DCDC1: variants seen among roughly 807,000 people sequenced by gnomAD.
The protein encoded by DCDC1 is doublecortin domain-containing protein 1.
Under a neutral mutation model 178.3 loss-of-function variants are expected in DCDC1, and 200 were observed. The ratio of observed to expected loss-of-function variants is 1.12; its 90% CI spans 1.00 to 1.26. The LOEUF (loss-of-function observed/expected upper bound fraction) is 1.26, where lower values mean the gene tolerates loss of function less well. DCDC1 is among the 50% of genes most tolerant of loss of function. The probability of loss-of-function intolerance (pLI) is 0.00; values close to 1 mark genes in which losing one functional copy is unlikely to be tolerated. For synonymous variants in DCDC1, 690 were observed against 604.8 expected (o/e 1.14, Z -2.07); for missense variants, 1,983 against 1,749.2 (o/e 1.13, Z -2.38).
chr11:31,049,694 A>G (rs551224774), intron 20 of DCDC1, among the ~76,000 whole-genome samples: 2 of 152,322 alleles, frequency 1.3e-5, no homozygotes, highest in South Asian at 4.1e-4. Flanking sequence ...CTCAACTGCG[A>G]AAGTGGGAAA....
chr11:31,099,832 C>T (rs144370945), intron 15 of DCDC1, among the ~76,000 whole-genome samples: 2,271 of 151,818 alleles, frequency 0.015, 51 homozygotes, highest in African/African-American at 0.051. Context: ...AATTCTCCTG[C>T]CTCAGCCTCC....
At chr11:31,214,810 C>G (rs1358440235) in intron 9 of DCDC1, among the ~76,000 whole-genome samples, 1 of 151,896 alleles carries the variant, frequency 6.6e-6, no homozygotes, top group Non-Finnish European at 1.5e-5. Context: ...TTCTATAATA[C>G]AGATAAATTT....
chr11:31,273,144 C>G (rs1945705554), intron 7 of DCDC1, among the ~76,000 whole-genome samples: 1 of 152,226 alleles, frequency 6.6e-6, no homozygotes, highest in African/African-American at 2.4e-5. Context: ...CTGACATGCC[C>G]TGGAGACACT....
intron 7 of DCDC1, among the ~76,000 whole-genome samples, chr11:31,272,031 G>A (rs558802281): frequency 2.4e-3 from 369 of 151,972 alleles, no homozygotes; most frequent in Middle Eastern, 0.017. Flanking sequence ...GTGTGGTGGC[G>A]GGCACCTGTA....
chr11:31,365,774 C>T (rs1951928446), intron 1 of DCDC1, among the ~76,000 whole-genome samples: 1 of 152,106 alleles, frequency 6.6e-6, no homozygotes, highest in Non-Finnish European at 1.5e-5. Flanking sequence ...TTAATATACG[C>T]CTACCTTGGT....
intron 9 of DCDC1, among the ~76,000 whole-genome samples, chr11:31,210,540 G>A (rs760838734): frequency 7.9e-5 from 12 of 151,866 alleles, no homozygotes; most frequent in Non-Finnish European, 1.8e-4. Context: ...GTGAAACCCC[G>A]TTTCTATTAA....
chr11:31,122,654 C>T (rs1216121755), intron 11 of DCDC1, among the ~76,000 whole-genome samples: 1 of 152,070 alleles, frequency 6.6e-6, no homozygotes, highest in African/African-American at 2.4e-5. Context: ...ATGGTTGCAA[C>T]TGAGAAATGA....
At chr11:31,109,480 C>T (rs1010418541) in intron 12 of DCDC1, among the ~76,000 whole-genome samples, 2 of 152,104 alleles carry the variant, frequency 1.3e-5, no homozygotes, top group African/African-American at 4.8e-5. Flanking sequence ...ATCAAAGTAG[C>T]TTTTCTTCCT....
intron 9 of DCDC1, among the ~76,000 whole-genome samples, chr11:31,230,596 T>G (rs977831199): frequency 1.3e-5 from 2 of 152,154 alleles, no homozygotes; most frequent in Non-Finnish European, 2.9e-5. Context: ...ATCTCTGCAG[T>G]CAGACACCAT....
At chr11:31,137,613 G>T (rs1254950927) in intron 10 of DCDC1, 79 bp downstream of exon 10, 2 of 644,378 alleles carry the variant, frequency 3.1e-6, no homozygotes, top group Non-Finnish European at 5.6e-6. Context: ...CTCCCAAAGT[G>T]CGGGGATTAC....
chr11:30,909,226 C>G, intron 28 of DCDC1, 110 bp from the exon 29 acceptor site: 1 of 834,254 alleles, frequency 1.2e-6, no homozygotes, highest in South Asian at 3.7e-5. Flanking sequence ...ATAATCCCAC[C>G]ACACAGTGAC....
chr11:30,899,301 C>T (rs990837580), intron 34 of DCDC1, among the ~76,000 whole-genome samples: 4 of 151,942 alleles, frequency 2.6e-5, no homozygotes, highest in Admixed American at 6.6e-5. Flanking sequence ...ATTTTTAAGA[C>T]GTATGCATAA....
At chr11:31,245,909 A>C (rs904053701) in intron 8 of DCDC1, among the ~76,000 whole-genome samples, 3 of 151,926 alleles carry the variant, frequency 2.0e-5, no homozygotes, top group Non-Finnish European at 4.4e-5. Flanking sequence ...AAGAAGTGTG[A>C]ACTTACTTGG....
In DCDC1 at chr11:31,307,854, C is replaced by A; in HGVS notation, c.219G>T (p.Leu73Phe). 3 of 1,614,080 alleles carry A rather than the reference C, an allele frequency of 1.9e-6. No homozygotes were observed. The highest frequency in any genetic ancestry group is 2.5e-6 in the Non-Finnish European group (3 of 1,179,980). The change falls in exon 4 of 39, where the codon TTG (leucine) becomes TTT (phenylalanine). Residue 73 changes from leucine to phenylalanine, a missense_variant. Physicochemically the swap from Leu to Phe is conservative, Grantham distance 22. Coordinates refer to ENST00000684477, the MANE Select transcript of DCDC1 (RefSeq NM_001387274.1). ...KAVIKTTDDY[L>F]QSQFGPNRLV... ...GTCTGTTGGGGCCAAACTGAGACTG[C>A]AAATAATCATCAGTAGTTTTAATAA...
intron 9 of DCDC1, among the ~76,000 whole-genome samples, chr11:31,178,761 C>G (rs953101619): frequency 2.5e-4 from 38 of 152,236 alleles, no homozygotes; most frequent in Admixed American, 2.3e-3. Flanking sequence ...GGCGCGATCT[C>G]AGCTCACCAC....
chr11:31,341,382 TATAGATAGATAGATAGATAGATAG>T (rs10552471), intron 1 of DCDC1, among the ~76,000 whole-genome samples: 8 of 134,678 alleles, frequency 5.9e-5, no homozygotes, highest in South Asian at 2.4e-4. Context: ...ATTCCAGTTT[TATAGATAGATAGATAGATAGATAG>T]ATAGATAGAT....
chr11:31,073,014 T>C (rs537046408), intron 18 of DCDC1, among the ~76,000 whole-genome samples: 1 of 152,294 alleles, frequency 6.6e-6, no homozygotes, highest in South Asian at 2.1e-4. Flanking sequence ...GCTCCATTTA[T>C]GATCCAGCTG....
chr11:31,231,823 C>G (rs75019477), intron 9 of DCDC1, among the ~76,000 whole-genome samples: 1,589 of 152,280 alleles, frequency 0.01, 33 homozygotes, highest in African/African-American at 0.037. Context: ...ACTTTTCTCC[C>G]ACCACCATGT....
intron 1 of DCDC1, among the ~76,000 whole-genome samples, chr11:31,353,168 C>A (rs1012041868): frequency 3.9e-5 from 6 of 152,214 alleles, no homozygotes; most frequent in African/African-American, 1.4e-4. Context: ...ATGGCCACTT[C>A]TTCACAATTT....
Sources: gnomAD v4.1 joint callset for allele counts (sites outside exome capture counted in the v4.1 genomes callset) on GRCh38, gnomAD v4.1.1 for gene constraint, MANE v1.5 for transcripts, NCBI Gene and HGNC (gene_info 2026-07-23, HGNC 2026-07-21) for gene names.